MYO1C: variants seen among roughly 807,000 people sequenced by gnomAD.
MYO1C encodes myosin IC.
A neutral mutation model predicts 150.8 loss-of-function variants in MYO1C; 104 were observed. The ratio of observed to expected loss-of-function variants is 0.69; its 90% CI spans 0.59 to 0.81. The LOEUF (loss-of-function observed/expected upper bound fraction) is 0.81. MYO1C is among the 30% of genes least tolerant of loss of function. MYO1C has a pLI of 0.00. For missense variants in MYO1C, 1,504 were observed against 1,435.0 expected (o/e 1.05, Z -0.78); for synonymous variants, 663 against 579.9 (o/e 1.14, Z -2.06).
At chr17:1,481,069 T>A in intron 5 of MYO1C, 184 bp from the exon 6 acceptor site, 1 of 628,258 alleles carries the variant, frequency 1.6e-6, no homozygotes, top group Middle Eastern at 4.3e-4. Flanking sequence ...ATCTAGGAAA[T>A]GGGGAGATTC....
Position 1,480,759 on chromosome 17 carries a change from G to C in MYO1C, c.754C>G (p.Leu252Val). 6.2e-7 allele frequency: 1 copy of C among 1,614,166 alleles called. No homozygotes were observed. Reference protein sequence around the residue: ...QLLEGGEEETLRRLGLERNPQ... With the variant: ...QLLEGGEEETVRRLGLERNPQ... The stretch of plus-strand genomic sequence containing the variant: ...TTCCGTTCCAAGCCCAGCCTGCGAA[G>C]AGTCTCCTCCTCGCCCCCCTCCAGC... The change falls in exon 6 of 32, where the codon CTT (leucine) becomes GTT (valine). Residue 252 changes from leucine (L) to valine (V), a missense_variant. By Grantham distance (32) the Leu-to-Val change is conservative. Coordinates refer to ENST00000648651, the MANE Select transcript of MYO1C (RefSeq NM_001080779.2).
chr17:1,478,262 C>A lies in MYO1C; in HGVS notation c.1296-70G>T. 1 of 1,568,326 alleles carries A rather than the reference C, an allele frequency of 6.4e-7. No homozygotes were observed. The highest frequency in any genetic ancestry group is 1.1e-5 in the South Asian group (1 of 90,066). ...GGACCAGGAGAGGGGAAAAGCTGGA[C>A]GACGCCCCTGAGCACAGGAGGTGAG... is the stretch of plus-strand genomic sequence containing the variant. On this transcript the variant is annotated intron_variant, in intron 11 of 31. Transcript: ENST00000648651. This position sits in a 1 kb window ranked among gnomAD's most constrained non-coding sequence, Gnocchi z 6.3.
Position 1,479,526 on chromosome 17 carries a change from G to A in MYO1C, c.1021-24C>T, listed in dbSNP as rs371850206. 1.0e-5 allele frequency: 15 copies of A among 1,507,466 alleles called. No homozygotes were observed. Among genetic ancestry groups the A allele is most frequent in the East Asian group, 2.4e-5 (1 of 41,984 alleles). 93.4% of individuals were successfully genotyped at this position (1,507,466 alleles called of 1,614,324 possible). The stretch of plus-strand genomic sequence containing the variant: ...AGCTGCCAAGGGCAGGCGAGGACAC[G>A]GTGAGGGTGCACCCCCAGCCCCCGC... On this transcript the variant is annotated intron_variant, in intron 8 of 31. Transcript: ENST00000648651. This position sits in a 1 kb window ranked among gnomAD's most constrained non-coding sequence, Gnocchi z 4.2.
intron 5 of MYO1C, 199 bp from the exon 6 acceptor site, chr17:1,481,084 C>T: frequency 1.7e-6 from 1 of 604,566 alleles, no homozygotes; most frequent in Non-Finnish European, 2.9e-6. Flanking sequence ...AGATTCAACT[C>T]CAACGACCTG....
Position 1,478,915 on chromosome 17 carries a change from G to C in MYO1C, c.1093-180C>G, listed in dbSNP as rs1439830227. On this transcript the variant is annotated intron_variant, in intron 9 of 31. Coordinates refer to ENST00000648651, the MANE Select transcript of MYO1C (RefSeq NM_001080779.2). This position sits in a 1 kb window ranked among gnomAD's most constrained non-coding sequence, Gnocchi z 6.3. ...AGGGAGGACAGGTGGCCACCCCAGA[G>C]GGAAGGTGGTAGAGGGACAGGAGGC... Among the ~76,000 whole-genome samples, 1 of 152,196 alleles carries C rather than the reference G, an allele frequency of 6.6e-6. No homozygotes were observed. Among genetic ancestry groups the C allele is most frequent in the African/African-American group, 2.4e-5 (1 of 41,440 alleles).
chr17:1,471,269 G>C lies in MYO1C; in HGVS notation c.2089C>G (p.Leu697Val), dbSNP rs2074296905. The C allele has an allele frequency of 6.2e-7, 1 of 1,613,938 alleles. No individual in the cohort carries two copies. The change falls in exon 20 of 32, where the codon CTG becomes GTG. Residue 697 changes from leucine (L) to valine (V), a missense_variant. Leu to Val is a conservative substitution (Grantham distance 32). Coordinates refer to ENST00000648651, the MANE Select transcript of MYO1C (RefSeq NM_001080779.2). ...AGRPQDGVAVLVRHLGYKPEE... is the reference protein window; with the variant it reads ...AGRPQDGVAVVVRHLGYKPEE... ...GGCTTGTAGCCCAGGTGTCGGACCA[G>C]CACAGCCACCCCATCCTGCGGCCGT...
chr17:1,468,554 G>C (rs1230965113), intron 25 of MYO1C, 58 bp from the exon 26 acceptor site: 3 of 1,410,940 alleles, frequency 2.1e-6, no homozygotes, highest in African/African-American at 2.8e-5. Flanking sequence ...TCTTGGGGGG[G>C]CAGAGCCAGC....
chr17:1,482,050 T>A (rs961956595), intron 5 of MYO1C, among the ~76,000 whole-genome samples: 1 of 152,028 alleles, frequency 6.6e-6, no homozygotes, highest in African/African-American at 2.4e-5. Context: ...AAGCCATTAT[T>A]TTCTATTTTT....
chr17:1,480,541 C>G lies in MYO1C; in HGVS notation c.892G>C (p.Glu298Gln). The G allele has an allele frequency of 6.2e-7, 1 of 1,613,756 alleles. No homozygotes were observed. The highest frequency in any genetic ancestry group is 8.5e-7 in the Non-Finnish European group (1 of 1,179,676). Residue 298 changes from glutamate (E) to glutamine (Q), a missense_variant, in exon 7 of 32, where the codon GAG (glutamate) becomes CAG (glutamine). By Grantham distance (29) the Glu-to-Gln change is conservative (BLOSUM62 2). Transcript: ENST00000648651. ...AGAGGCCTCACCTCCACTTCATCCTCGGTGAAATCAATGACTGTCAGAGCC... is the reference window on the plus strand; with the variant it reads ...AGAGGCCTCACCTCCACTTCATCCTGGGTGAAATCAATGACTGTCAGAGCC... The part of the protein sequence containing the change: ...RKALTVIDFT[E>Q]DEVEDLLSIV...
At chr17:1,485,302 G>A in intron 1 of MYO1C, 1 of 1,113,794 alleles carries the variant, frequency 9.0e-7, no homozygotes, top group Non-Finnish European at 1.1e-6. Context: ...TGGTGATTGG[G>A]GGTGGATCCC....
chr17:1,486,142 T>TC (rs1308029609), intron 1 of MYO1C: 2 of 152,522 alleles, frequency 1.3e-5, no homozygotes, highest in Non-Finnish European at 2.9e-5. Flanking sequence ...GGGATTTTCC[T>TC]CCCCCAACCC....
chr17:1,480,893 C>G lies in MYO1C; in HGVS notation c.628-8G>C, dbSNP rs1301531928. The G allele has an allele frequency of 1.9e-6, 3 of 1,613,316 alleles. No individual in the cohort carries two copies. The highest frequency in any genetic ancestry group is 2.5e-6 in the Non-Finnish European group (3 of 1,179,890). On this transcript the variant is annotated splice_region_variant and splice_polypyrimidine_tract_variant and intron_variant, in intron 5 of 31. Coordinates refer to ENST00000648651, the MANE Select transcript of MYO1C (RefSeq NM_001080779.2). ...GCCACCCACGGGGGCACCCTGTGGG[C>G]AGGGCAGGGCATGAGGCCGGGTCAC...
Position 1,470,512 on chromosome 17 carries a change from G to A in MYO1C, c.2289C>T (p.Cys763=), listed in dbSNP as rs1049620600. 35 of 1,552,772 alleles carry A rather than the reference G, an allele frequency of 2.3e-5. No homozygotes were observed. The highest frequency in any genetic ancestry group is 1.7e-6 in the Non-Finnish European group (2 of 1,147,940). The change falls in exon 23 of 32, where the codon TGC becomes TGT. Residue 763 remains cysteine, a synonymous_variant. Transcript: ENST00000648651. ...KFLRVKRSAI[C]IQSWWRGTLG... is the part of the protein sequence containing the mutation. ...GTGTTCCACGCCACCACGACTGGAT[G>A]CAGATGGCTGTCGTGGAGACCACAG...
Position 1,469,534 on chromosome 17 carries a change from C to T in MYO1C, c.2607G>A (p.Gln869=), listed in dbSNP as rs764377549. 135 of 1,610,574 alleles carry T rather than the reference C, an allele frequency of 8.4e-5. 2 individuals are homozygous for T. The East Asian group carries it at 3.0e-3, about 36-fold the overall frequency. ...CACCCAGCCCCGCTCTCCGTACCTG[C>T]TGCTTCCACTCAGGGCTGATACTCC... ...YCRSISPEWK[Q]QLQQKAVASE... Residue 869 remains glutamine (Q), a synonymous_variant, in exon 25 of 32, where the codon CAG becomes CAA. Transcript: ENST00000648651.
chr17:1,470,608 T>C lies in MYO1C; in HGVS notation c.2281+13A>G, dbSNP rs755019352. On this transcript the variant is annotated intron_variant, in intron 22 of 31. Coordinates refer to ENST00000648651, the MANE Select transcript of MYO1C (RefSeq NM_001080779.2). ...AGACCCCGCCCCTCCTGAACACCCA[T>C]GGGCCCGCGAACCTGATCTCTTCAC... 1.4e-5 allele frequency: 19 copies of C among 1,330,970 alleles called. No homozygotes were observed. The highest frequency in any genetic ancestry group is 2.3e-5 in the South Asian group (2 of 85,430). The allele number at this position is 1,330,970 out of a possible 1,614,324, so 82.4% of individuals were successfully genotyped here.
intron 21 of MYO1C, 187 bp from the exon 22 acceptor site, chr17:1,470,876 G>A: frequency 1.1e-6 from 1 of 881,016 alleles, no homozygotes; most frequent in Non-Finnish European, 1.8e-6. Flanking sequence ...TGGGATGGTG[G>A]GCGTGGGGCT....
intron 14 of MYO1C, among the ~76,000 whole-genome samples, chr17:1,476,731 G>A: frequency 6.6e-6 from 1 of 152,180 alleles, no homozygotes; most frequent in Admixed American, 6.6e-5. Flanking sequence ...CCCCACTTCA[G>A]AGGATTCCTT....
In MYO1C at chr17:1,465,643, A is replaced by C; in HGVS notation, c.*83T>G. ...GGGGTGTCCCTGGGTCCCTGTCTGG[A>C]AGTTCGAGTCTTTGGTAACTGGGAA... On this transcript the variant is annotated 3_prime_UTR_variant, in exon 32 of 32. Transcript: ENST00000648651. 7.8e-7 allele frequency: 1 copy of C among 1,281,172 alleles called. No homozygotes were observed. The highest frequency in any genetic ancestry group is 2.7e-5 in the South Asian group (1 of 37,082). 79.4% of individuals were successfully genotyped at this position (1,281,172 alleles called of 1,614,324 possible). A position where few individuals can be genotyped will look rare whatever the true frequency, so the allele number is the denominator to read the frequency against.
Position 1,470,417 on chromosome 17 carries a change from A to G in MYO1C, c.2366+18T>C, listed in dbSNP as rs1259512050. On this transcript the variant is annotated intron_variant, in intron 23 of 31. Transcript: ENST00000648651. The stretch of plus-strand genomic sequence containing the variant: ...CACGCCCTGCTCTGCAGCCCCCACA[A>G]GGCACCCTGGCGCTCACCGCCGGAT... 1 of 1,550,132 alleles carries G rather than the reference A, an allele frequency of 6.5e-7. No individual in the cohort carries two copies. Among genetic ancestry groups the G allele is most frequent in the Non-Finnish European group, 8.7e-7 (1 of 1,146,928 alleles).
Sources: gnomAD v4.1 joint callset for allele counts (sites outside exome capture counted in the v4.1 genomes callset) on GRCh38, gnomAD v4.1.1 for gene constraint, Gnocchi (gnomAD v3.1) non-coding constraint, MANE v1.5 for transcripts, NCBI Gene and HGNC (gene_info 2026-07-23, HGNC 2026-07-21) for gene names.